FAM20C: variants seen among roughly 807,000 people sequenced by gnomAD.
FAM20C encodes FAM20C golgi associated secretory pathway kinase, also known as extracellular serine/threonine protein kinase FAM20C.
Under a neutral mutation model 51.5 loss-of-function variants are expected in FAM20C, and 40 were observed. The observed-to-expected ratio is 0.78, with a 90% CI of 0.60 to 1.01. The LOEUF (loss-of-function observed/expected upper bound fraction) is 1.01. FAM20C is among the 50% of genes least tolerant of loss of function. The probability of loss-of-function intolerance (pLI) is 0.00; values close to 1 mark genes in which losing one functional copy is unlikely to be tolerated. For missense variants in FAM20C, 861 were observed against 844.7 expected, an observed-to-expected ratio of 1.02 and a Z score of -0.24; for synonymous variants, 406 against 380.6, an observed-to-expected ratio of 1.07 and a Z score of -0.78.
chr7:211,082 C>T (rs1296282449), intron 3 of FAM20C, among the ~76,000 whole-genome samples: 2 of 151,748 alleles, frequency 1.3e-5, no homozygotes, highest in African/African-American at 4.8e-5. Flanking sequence ...CCCTTAAGCC[C>T]AGGGTGCGCG....
At chr7:253,599 C>T (rs534307661) in intron 5 of FAM20C, among the ~76,000 whole-genome samples, 1 of 152,248 alleles carries the variant, frequency 6.6e-6, no homozygotes, top group African/African-American at 2.4e-5. Context: ...CAGCTGCCTC[C>T]CGTGGCTTCT....
chr7:235,664 G>A (rs1342997282), intron 3 of FAM20C, among the ~76,000 whole-genome samples: 6 of 152,208 alleles, frequency 3.9e-5, no homozygotes, highest in African/African-American at 9.7e-5. Context: ...TGGGGCCCGC[G>A]GCCTTGGAGT....
At chr7:210,709 G>A (rs28479626) in intron 3 of FAM20C, among the ~76,000 whole-genome samples, 90,917 of 151,956 alleles carry the variant, frequency 0.6, 27,426 homozygotes, top group East Asian at 0.69. Flanking sequence ...GCTGTGTCCC[G>A]TCCGCAGAGA....
chr7:220,568 A>T (rs1235520855), intron 3 of FAM20C, among the ~76,000 whole-genome samples: 2 of 152,196 alleles, frequency 1.3e-5, no homozygotes, highest in Non-Finnish European at 2.9e-5. Context: ...TGAGTTAAGC[A>T]TGACCTCTGT....
intron 3 of FAM20C, among the ~76,000 whole-genome samples, chr7:211,281 T>A (rs2115072133): frequency 6.9e-6 from 1 of 145,070 alleles, no homozygotes; most frequent in East Asian, 2.1e-4. Context: ...CCCAGCCTTT[T>A]CTGAGCCTCC....
rs1339115574 is a variant in FAM20C, at chr7:192,775, C to G, written c.-425C>G. Among the ~76,000 whole-genome samples, 2 of 145,002 alleles carry G rather than the reference C, an allele frequency of 1.4e-5. No homozygotes were observed. Among genetic ancestry groups the G allele is most frequent in the Admixed American group, 6.7e-5 (1 of 14,822 alleles). On this transcript the variant is annotated 5_prime_UTR_variant, in exon 1 of 10. Transcript: ENST00000313766. The stretch of plus-strand genomic sequence containing the variant: ...CGCCCGCCCGGCGCCTGGAGAGGAG[C>G]GCGCTGAGGATCGGGACGCCTGCGG...
chr7:193,188 G>T lies in FAM20C; in HGVS notation c.-12G>T. The T allele has an allele frequency of 2.8e-6, 4 of 1,450,930 alleles. No individual in the cohort carries two copies. Among genetic ancestry groups the T allele is most frequent in the Middle Eastern group, 2.0e-4 (1 of 5,068 alleles). 89.9% of individuals were successfully genotyped at this position (1,450,930 alleles called of 1,614,324 possible). A position where few individuals can be genotyped will look rare whatever the true frequency, so the allele number is the denominator to read the frequency against. ...CAGAACGCGCTCCAGGCCCGGGCCG[G>T]CCCGCGCGGCCATGAAGATGATGCT... On this transcript the variant is annotated 5_prime_UTR_variant, in exon 1 of 10. Coordinates refer to ENST00000313766, the MANE Select transcript of FAM20C (RefSeq NM_020223.4).
chr7:259,298 C>A (rs1788774041), intron 9 of FAM20C, among the ~76,000 whole-genome samples: 1 of 152,204 alleles, frequency 6.6e-6, no homozygotes, highest in African/African-American at 2.4e-5. Flanking sequence ...ACACCGGCCA[C>A]CACATCCTGC....
intron 2 of FAM20C, among the ~76,000 whole-genome samples, chr7:203,009 G>T (rs984443416): frequency 6.6e-6 from 1 of 152,222 alleles, no homozygotes; most frequent in Non-Finnish European, 1.5e-5. Context: ...TGGATTTCAG[G>T]GGAGGGGCAG....
chr7:251,743 C>T (rs185353594), intron 5 of FAM20C, among the ~76,000 whole-genome samples: 6 of 152,252 alleles, frequency 3.9e-5, no homozygotes, highest in East Asian at 1.9e-4. Flanking sequence ...CTTTATTAAG[C>T]GCTCCAGCAG....
At chr7:216,717 G>A (rs1226639778) in intron 3 of FAM20C, among the ~76,000 whole-genome samples, 1 of 151,528 alleles carries the variant, frequency 6.6e-6, no homozygotes. Context: ...GTGTGTGTGT[G>A]TGTGTGTGTC....
intron 3 of FAM20C, among the ~76,000 whole-genome samples, chr7:234,613 G>C (rs1291893410): frequency 6.6e-6 from 1 of 152,200 alleles, no homozygotes; most frequent in Non-Finnish European, 1.5e-5. Flanking sequence ...GTGGTCCCCG[G>C]CACCATCGGG....
chr7:202,598 G>A (rs1384045281), intron 2 of FAM20C, among the ~76,000 whole-genome samples: 2 of 137,558 alleles, frequency 1.5e-5, no homozygotes, highest in Non-Finnish European at 3.1e-5. Flanking sequence ...GGAATGGGGG[G>A]GCCCTATGGA....
chr7:233,182 A>G (rs1425602469), intron 3 of FAM20C, among the ~76,000 whole-genome samples: 2 of 152,188 alleles, frequency 1.3e-5, no homozygotes, highest in Non-Finnish European at 2.9e-5. Context: ...GGCTCCCGTG[A>G]GGACGCGTCG....
chr7:249,827 C>T (rs1442470178), intron 5 of FAM20C, among the ~76,000 whole-genome samples: 1 of 152,210 alleles, frequency 6.6e-6, no homozygotes, highest in Non-Finnish European at 1.5e-5. Context: ...GTACCAGGCC[C>T]CTGCTGCACA....
chr7:257,852 C>CCGGGG (rs1788661758), intron 8 of FAM20C, among the ~76,000 whole-genome samples: 11 of 121,112 alleles, frequency 9.1e-5, no homozygotes, highest in South Asian at 2.6e-4. Flanking sequence ...GACCCACTGC[C>CCGGGG]TGGGGTGCTG....
At chr7:246,573 G>A (rs139633939) in intron 4 of FAM20C, 66 bp downstream of exon 4, 32 of 416,960 alleles carry the variant, frequency 7.7e-5, no homozygotes, top group Middle Eastern at 6.7e-4. Flanking sequence ...GAGTGAGGCC[G>A]TCCTGCACTG....
chr7:241,658 A>G (rs1177190412), intron 3 of FAM20C, among the ~76,000 whole-genome samples: 2 of 151,546 alleles, frequency 1.3e-5, no homozygotes, highest in Non-Finnish European at 2.9e-5. Context: ...GCACATGTGC[A>G]TGAATGTGTG....
intron 5 of FAM20C, among the ~76,000 whole-genome samples, chr7:251,559 G>A (rs929814604): frequency 2.0e-5 from 3 of 152,086 alleles, no homozygotes; most frequent in African/African-American, 7.2e-5. Flanking sequence ...GTCCAAGCAG[G>A]TGAATTAAGT....
Sources: allele counts gnomAD v4.1 joint callset (sites outside exome capture counted in the v4.1 genomes callset), GRCh38; gene constraint gnomAD v4.1.1; transcripts MANE v1.5; gene names NCBI Gene and HGNC (gene_info 2026-07-23, HGNC 2026-07-21).